AP1AR: variants seen among roughly 807,000 people sequenced by gnomAD.
AP1AR encodes the protein AP-1 complex-associated regulatory protein.
A neutral mutation model predicts 46.3 loss-of-function variants in AP1AR; 29 were observed. The ratio of observed to expected loss-of-function variants is 0.63; its 90% CI spans 0.47 to 0.85. The LOEUF is 0.85. AP1AR is among the 40% of genes least tolerant of loss of function. The pLI, the probability that AP1AR is intolerant of heterozygous loss-of-function variation, is 0.00. For synonymous variants in AP1AR, 122 were observed against 122.9 expected, an observed-to-expected ratio of 0.99 and a Z score of 0.05; for missense variants, 357 against 356.3, an observed-to-expected ratio of 1.00 and a Z score of -0.02.
intron 1 of AP1AR, among the ~76,000 whole-genome samples, chr4:112,243,527 T>C (rs1725595501): frequency 6.6e-6 from 1 of 152,242 alleles, no homozygotes; most frequent in Non-Finnish European, 1.5e-5. Context: ...TCTATACGTT[T>C]ATCCCCGCTC....
At chr4:112,233,951 C>A (rs1201585712) in intron 1 of AP1AR, among the ~76,000 whole-genome samples, 1 of 152,184 alleles carries the variant, frequency 6.6e-6, no homozygotes, top group Non-Finnish European at 1.5e-5. Flanking sequence ...CTTCGCCTCC[C>A]GGGTTCACGC....
In AP1AR at chr4:112,232,160, AG is replaced by A; in HGVS notation, c.71del (p.Gly24AlafsTer18). The A allele has an allele frequency of 7.8e-7, 1 of 1,283,840 alleles. No homozygotes were observed. Among genetic ancestry groups the A allele is most frequent in the Non-Finnish European group, 9.9e-7 (1 of 1,006,602 alleles). 79.5% of individuals were successfully genotyped at this position (1,283,840 alleles called of 1,614,324 possible). On this transcript the variant is annotated frameshift_variant, in exon 1 of 10. Transcript: ENST00000274000. LOFTEE classifies it high-confidence loss of function. ...RKEAGRLQRVGGGGGSKYFRT... is the reference protein window; with the variant it reads ...RKEAGRLQRVXGGGGSKYFRT... ...AGGAAGCGGGGCGGCTGCAGCGAGT[AG>A]GCGGCGGCGGAGGGTAAGCCCGCTG...
At chr4:112,257,731 C>T in intron 3 of AP1AR, 41 bp from the exon 4 acceptor site, 1 of 1,389,392 alleles carries the variant, frequency 7.2e-7, no homozygotes, top group Non-Finnish European at 9.5e-7. Context: ...TAGAATTTAG[C>T]TAATGAATTT....
chr4:112,260,385 G>A (rs913400183), intron 4 of AP1AR, among the ~76,000 whole-genome samples: 11 of 152,218 alleles, frequency 7.2e-5, no homozygotes, highest in African/African-American at 2.7e-4. Context: ...TATGACGGCT[G>A]AGATCAGGGT....
intron 1 of AP1AR, among the ~76,000 whole-genome samples, chr4:112,249,155 G>C (rs376460369): frequency 6.6e-6 from 1 of 152,026 alleles, no homozygotes; most frequent in African/African-American, 2.4e-5. Context: ...TTAGCGGGGC[G>C]TGGTGGTGCA....
At chr4:112,236,945 A>G (rs1179316486) in intron 1 of AP1AR, among the ~76,000 whole-genome samples, 3 of 152,230 alleles carry the variant, frequency 2.0e-5, no homozygotes, top group African/African-American at 4.8e-5. Context: ...TAACTTTTTG[A>G]TAACTTACTA....
chr4:112,263,586 G>A (rs1726548081), intron 6 of AP1AR, among the ~76,000 whole-genome samples: 2 of 151,624 alleles, frequency 1.3e-5, no homozygotes, highest in Non-Finnish European at 2.9e-5. Flanking sequence ...TTGTGTCCTT[G>A]GGAGATTGGG....
rs556219757 is a variant in AP1AR, at chr4:112,235,187, A to G, written c.83+3013A>G. 3.3e-5 allele frequency among the ~76,000 whole-genome samples: 5 copies of G among 152,282 alleles called. No individual in the cohort carries two copies. The South Asian group carries it at 8.3e-4, about 25-fold the overall frequency. ...TTCTTCACTGGAGTTTTGCCTGCCA[A>G]CACTTTCTACAGGGCTCCATCTGCT... On this transcript the variant is annotated intron_variant, in intron 1 of 9. Transcript: ENST00000274000.
At chr4:112,260,673 AG>A (rs2110488190) in intron 4 of AP1AR, 92 bp from the exon 5 acceptor site, 1 of 768,046 alleles carries the variant, frequency 1.3e-6, no homozygotes, top group Non-Finnish European at 2.0e-6. Context: ...GCAAAATTTG[AG>A]AATTTCACTG....
chr4:112,253,246 TAAC>T lies in AP1AR; in HGVS notation c.125_127del (p.Thr42del). Reference sequence around the variant, plus strand: ...AGAACATGCTCAAGAGGTGAGCACTTAACAATAGAGGTAAGTAGTCCTTAATTT... The same window carrying T: ...AGAACATGCTCAAGAGGTGAGCACTTAATAGAGGTAAGTAGTCCTTAATTT... On this transcript the variant is annotated inframe_deletion, in exon 2 of 10. Transcript: ENST00000274000. 1 of 1,610,782 alleles carries T rather than the reference TAAC, an allele frequency of 6.2e-7. No homozygotes were observed. Among genetic ancestry groups the T allele is most frequent in the Non-Finnish European group, 8.5e-7 (1 of 1,178,568 alleles).
rs575360567 is a variant in AP1AR, at chr4:112,247,243, A to G, written c.84-5965A>G. On this transcript the variant is annotated intron_variant, in intron 1 of 9. Coordinates refer to ENST00000274000, the MANE Select transcript of AP1AR (RefSeq NM_018569.6). ...TGACATTGCATCTTTGTCTACAGACAACCTTATTGGGATAGCAAAAGCAAG... is the reference window on the plus strand; with the variant it reads ...TGACATTGCATCTTTGTCTACAGACGACCTTATTGGGATAGCAAAAGCAAG... Among the ~76,000 whole-genome samples the G allele has an allele frequency of 3.9e-5, 6 of 152,356 alleles. No individual in the cohort carries two copies. In the East Asian group the frequency reaches 1.2e-3, roughly 29 times the overall value.
chr4:112,242,726 A>T (rs531365789), intron 1 of AP1AR, among the ~76,000 whole-genome samples: 18 of 152,186 alleles, frequency 1.2e-4, no homozygotes, highest in Non-Finnish European at 2.5e-4. Flanking sequence ...AACACTTCCT[A>T]TTAGGCCCCA....
intron 2 of AP1AR, among the ~76,000 whole-genome samples, chr4:112,253,964 A>G: frequency 6.6e-6 from 1 of 152,344 alleles, no homozygotes; most frequent in South Asian, 2.1e-4. Flanking sequence ...AACTAATATA[A>G]AAAAAGATAA....
In AP1AR at chr4:112,240,368, A is replaced by G. The variant is rs548073652; in HGVS notation, c.83+8194A>G. ...TACCCTCCAGAGGGTAAGTCTGCAC[A>G]TCATCATGGAACCATCTGCTTTTCT... is the stretch of plus-strand genomic sequence containing the variant. On this transcript the variant is annotated intron_variant, in intron 1 of 9. Transcript: ENST00000274000. Among the ~76,000 whole-genome samples, 277 of 152,278 alleles carry G rather than the reference A, an allele frequency of 1.8e-3. 1 individual carries two copies. Among genetic ancestry groups the G allele is most frequent in the Middle Eastern group, 6.8e-3 (2 of 294 alleles).
intron 1 of AP1AR, among the ~76,000 whole-genome samples, chr4:112,232,924 A>C (rs1231557908): frequency 6.6e-6 from 1 of 152,222 alleles, no homozygotes; most frequent in Admixed American, 6.5e-5. Flanking sequence ...TATATGCACC[A>C]TCCACAGAAT....
rs1374098885 is a variant in AP1AR, at chr4:112,270,077, G to GT, written c.*1672dup. 6.6e-6 allele frequency: 1 copy of GT among 152,558 alleles called. No individual in the cohort carries two copies. Among genetic ancestry groups the GT allele is most frequent in the East Asian group, 1.9e-4 (1 of 5,180 alleles). The allele number at this position is 152,558 out of a possible 1,614,324, so 9.5% of individuals were successfully genotyped here. On this transcript the variant is annotated 3_prime_UTR_variant, in exon 10 of 10. Coordinates refer to ENST00000274000, the MANE Select transcript of AP1AR (RefSeq NM_018569.6). ...GTAATAAGTTATTTGACTATTATTGGTTTTACTCCATAAACATGCAGGTAT... is the reference window on the plus strand; with the variant it reads ...GTAATAAGTTATTTGACTATTATTGGTTTTTACTCCATAAACATGCAGGTAT...
Position 112,272,312 on chromosome 4 carries a change from C to A in AP1AR, c.*3903C>A, listed in dbSNP as rs1726988240. Among the ~76,000 whole-genome samples the A allele has an allele frequency of 1.3e-5, 2 of 152,228 alleles. No individual in the cohort carries two copies. The highest frequency in any genetic ancestry group is 4.2e-4 in the South Asian group (2 of 4,814). On this transcript the variant is annotated 3_prime_UTR_variant, in exon 10 of 10. Transcript: ENST00000274000. ...GAAGGGAAAATCTAACAGGAGACAT[C>A]TTGAGCTCATGGGCAACAACTTCCC...
intron 1 of AP1AR, among the ~76,000 whole-genome samples, chr4:112,236,908 AC>A (rs1213276463): frequency 6.6e-6 from 1 of 152,214 alleles, no homozygotes; most frequent in East Asian, 1.9e-4. Flanking sequence ...ATTTCAAAAA[AC>A]GTGTCATTCA....
At chr4:112,250,365 TC>T (rs1450902651) in intron 1 of AP1AR, among the ~76,000 whole-genome samples, 1 of 152,250 alleles carries the variant, frequency 6.6e-6, no homozygotes, top group Non-Finnish European at 1.5e-5. Context: ...TCTGAAATGG[TC>T]CTTTCAAACC....
Sources: gnomAD v4.1 joint callset for allele counts (sites outside exome capture counted in the v4.1 genomes callset) on GRCh38, gnomAD v4.1.1 for gene constraint, MANE v1.5 for transcripts, NCBI Gene and HGNC (gene_info 2026-07-23, HGNC 2026-07-21) for gene names.